Variants in WDR41 observed in about 807,000 individuals in gnomAD.
WDR41 encodes the protein WD repeat-containing protein 41.
A neutral mutation model predicts 69.3 loss-of-function variants in WDR41; 63 were observed. The ratio of observed to expected loss-of-function variants is 0.91; its 90% CI spans 0.74 to 1.12. The LOEUF is 1.12. Ranked by LOEUF, WDR41 falls within the 50% of genes most tolerant of loss-of-function variation. WDR41 has a pLI of 0.00. For synonymous variants in WDR41, 185 were observed against 192.1 expected, an observed-to-expected ratio of 0.96 and a Z score of 0.31; for missense variants, 543 against 534.5, an observed-to-expected ratio of 1.02 and a Z score of -0.16.
chr5:77,559,799 G>C (rs1743488926), intron 1 of WDR41, among the ~76,000 whole-genome samples: 1 of 152,048 alleles, frequency 6.6e-6, no homozygotes, highest in South Asian at 2.1e-4. Context: ...TTCAATCACA[G>C]CCATGCTACT....
chr5:77,561,204 C>T (rs1743517485), intron 1 of WDR41, among the ~76,000 whole-genome samples: 1 of 152,122 alleles, frequency 6.6e-6, no homozygotes, highest in Non-Finnish European at 1.5e-5. Flanking sequence ...GCCTCATCCC[C>T]TCCTCCCATA....
chr5:77,456,278 G>A (rs767866951), intron 5 of WDR41, among the ~76,000 whole-genome samples: 2 of 152,152 alleles, frequency 1.3e-5, no homozygotes, highest in Non-Finnish European at 2.9e-5. Flanking sequence ...CAAAGTGCTA[G>A]GATTATAGGC....
chr5:77,587,400 T>C (rs935997653), intron 1 of WDR41, among the ~76,000 whole-genome samples: 6 of 152,190 alleles, frequency 3.9e-5, no homozygotes, highest in Admixed American at 1.3e-4. Flanking sequence ...TACGCACACA[T>C]TCAGCTTTAG....
At chr5:77,551,569 T>C (rs1195905982) in intron 1 of WDR41, among the ~76,000 whole-genome samples, 2 of 151,866 alleles carry the variant, frequency 1.3e-5, no homozygotes, top group Non-Finnish European at 2.9e-5. Flanking sequence ...TCCCAGCTAC[T>C]TGGGAGGCTG....
At chr5:77,518,811 A>AT (rs1802330705) in intron 1 of WDR41, among the ~76,000 whole-genome samples, 1 of 152,106 alleles carries the variant, frequency 6.6e-6, no homozygotes, top group Non-Finnish European at 1.5e-5. Context: ...AGAATCCAAT[A>AT]ATATATGTCT....
chr5:77,552,716 C>G (rs898842068), intron 1 of WDR41, among the ~76,000 whole-genome samples: 1 of 152,104 alleles, frequency 6.6e-6, no homozygotes, highest in Non-Finnish European at 1.5e-5. Flanking sequence ...AACGGAGCAG[C>G]ACAGGATACC....
chr5:77,564,030 G>T (rs1168352328), intron 1 of WDR41, among the ~76,000 whole-genome samples: 1 of 152,046 alleles, frequency 6.6e-6, no homozygotes, highest in Non-Finnish European at 1.5e-5. Flanking sequence ...GAGTGTGAAT[G>T]TTCTCATCTA....
At chr5:77,595,199 T>G (rs567709981) in intron 1 of WDR41, among the ~76,000 whole-genome samples, 1 of 152,202 alleles carries the variant, frequency 6.6e-6, no homozygotes, top group Admixed American at 6.5e-5. Context: ...TTTGAATCTG[T>G]GTACTAAATT....
At chr5:77,510,861 TC>T (rs1218669707) in intron 1 of WDR41, among the ~76,000 whole-genome samples, 1 of 141,738 alleles carries the variant, frequency 7.1e-6, no homozygotes, top group African/African-American at 2.6e-5. Flanking sequence ...AACCTCTGCC[TC>T]CCAGGTTCAA....
chr5:77,463,010 G>T, intron 4 of WDR41, 85 bp downstream of exon 4: 4 of 1,422,626 alleles, frequency 2.8e-6, no homozygotes, highest in Non-Finnish European at 2.9e-6. Flanking sequence ...ATACAGACAA[G>T]ACCCTATCAG....
At chr5:77,546,315 A>G in intron 1 of WDR41, 1 of 269,748 alleles carries the variant, frequency 3.7e-6, no homozygotes, top group Non-Finnish European at 6.9e-6. Context: ...AAAAAAAAAG[A>G]TAAATCAAAC....
chr5:77,508,304 G>C (rs569880432), intron 1 of WDR41, among the ~76,000 whole-genome samples: 1 of 151,996 alleles, frequency 6.6e-6, no homozygotes, highest in South Asian at 2.1e-4. Context: ...GTAGCGACAG[G>C]GTTTCTCCAT....
intron 1 of WDR41, among the ~76,000 whole-genome samples, chr5:77,518,679 T>C (rs1456952545): frequency 6.6e-6 from 1 of 152,116 alleles, no homozygotes; most frequent in African/African-American, 2.4e-5. Flanking sequence ...TTTGAGTAAG[T>C]TCTCTTCTGG....
At chr5:77,582,400 A>G (rs935837745) in intron 1 of WDR41, 44 of 1,610,572 alleles carry the variant, frequency 2.7e-5, no homozygotes, top group East Asian at 1.6e-4. Flanking sequence ...AGAGAAGAAG[A>G]AGGAGGTTCC....
intron 5 of WDR41, 111 bp downstream of exon 5, chr5:77,458,951 A>T: frequency 1.4e-6 from 1 of 719,636 alleles, no homozygotes; most frequent in Non-Finnish European, 2.3e-6. Context: ...AAGTGTGTGG[A>T]AAGAAATAAT....
intron 1 of WDR41, among the ~76,000 whole-genome samples, chr5:77,590,880 A>G (rs1220652600): frequency 6.6e-6 from 1 of 152,236 alleles, no homozygotes; most frequent in Non-Finnish European, 1.5e-5. Context: ...CTGGTCTCAT[A>G]GAATGAGTTG....
chr5:77,578,058 A>G (rs1192421792), intron 1 of WDR41, among the ~76,000 whole-genome samples: 1 of 152,246 alleles, frequency 6.6e-6, no homozygotes, highest in African/African-American at 2.4e-5. Context: ...TTGCAAGAGT[A>G]TCATATTGCA....
chr5:77,457,539 T>C (rs1172883111), intron 5 of WDR41, among the ~76,000 whole-genome samples: 1 of 152,148 alleles, frequency 6.6e-6, no homozygotes, highest in African/African-American at 2.4e-5. Context: ...AAGAGTTTTC[T>C]AGAATGATCA....
intron 1 of WDR41, among the ~76,000 whole-genome samples, chr5:77,528,146 G>C (rs1460509439): frequency 1.3e-5 from 2 of 151,668 alleles, no homozygotes; most frequent in Non-Finnish European, 3.0e-5. Context: ...CACTATTAAA[G>C]TTGATAATTG....
Sources: gnomAD v4.1 joint callset for allele counts (sites outside exome capture counted in the v4.1 genomes callset) on GRCh38, gnomAD v4.1.1 for gene constraint, MANE v1.5 for transcripts, NCBI Gene and HGNC (gene_info 2026-07-23, HGNC 2026-07-21) for gene names.